Variants in CREB5 observed in about 807,000 individuals in gnomAD.
CREB5 encodes cAMP responsive element binding protein 5, also known as cyclic AMP-responsive element-binding protein 5.
A neutral mutation model predicts 57.1 loss-of-function variants in CREB5; 19 were observed. The observed-to-expected ratio is 0.33, with a 90% CI of 0.23 to 0.49. The LOEUF is 0.49. Among genes scored for constraint, CREB5 ranks in the 20% least tolerant of loss-of-function variants. The probability of loss-of-function intolerance (pLI) is 0.99; values close to 1 mark genes in which losing one functional copy is unlikely to be tolerated. For missense variants in CREB5, 579 were observed against 671.6 expected, an observed-to-expected ratio of 0.86 and a Z score of 1.52; for synonymous variants, 238 against 238.3, an observed-to-expected ratio of 1.00 and a Z score of 0.01.
At chr7:28,337,937 G>A (rs1785858745) in intron 1 of CREB5, among the ~76,000 whole-genome samples, 1 of 151,982 alleles carries the variant, frequency 6.6e-6, no homozygotes, top group South Asian at 2.1e-4. Flanking sequence ...ACTTTAAACT[G>A]ATGACAACTT....
At chr7:28,384,361 T>C (rs2127996538) in intron 1 of CREB5, among the ~76,000 whole-genome samples, 1 of 152,326 alleles carries the variant, frequency 6.6e-6, no homozygotes, top group African/African-American at 2.4e-5. Flanking sequence ...GTCTTTTGAA[T>C]AGTGTCTGTA....
chr7:28,338,399 A>C (rs1785869511), intron 1 of CREB5, among the ~76,000 whole-genome samples: 1 of 152,174 alleles, frequency 6.6e-6, no homozygotes, highest in African/African-American at 2.4e-5. Context: ...ATACTATCCC[A>C]GGGAAAAAGT....
intron 1 of CREB5, among the ~76,000 whole-genome samples, chr7:28,376,372 G>A (rs1043520429): frequency 1.3e-5 from 2 of 150,886 alleles, no homozygotes; most frequent in African/African-American, 2.4e-5. Flanking sequence ...GGGTTCAAGC[G>A]ATTCTCCTGC....
At chr7:28,687,735 C>G (rs1376543348) in intron 5 of CREB5, among the ~76,000 whole-genome samples, 1 of 151,932 alleles carries the variant, frequency 6.6e-6, no homozygotes, top group East Asian at 1.9e-4. Context: ...TTCATTATGA[C>G]TTTATGGATC....
intron 1 of CREB5, among the ~76,000 whole-genome samples, chr7:28,365,727 A>G (rs1019550686): frequency 1.3e-5 from 2 of 152,212 alleles, no homozygotes; most frequent in Admixed American, 6.5e-5. Flanking sequence ...TCTGTTGCCA[A>G]TCCAAATGCA....
At chr7:28,680,000 C>T (rs764391218) in intron 5 of CREB5, among the ~76,000 whole-genome samples, 3 of 150,688 alleles carry the variant, frequency 2.0e-5, no homozygotes, top group East Asian at 1.9e-4. Flanking sequence ...CCTACCCATG[C>T]TCATGAGTAC....
chr7:28,734,369 G>A (rs1471952542), intron 7 of CREB5, among the ~76,000 whole-genome samples: 3 of 151,918 alleles, frequency 2.0e-5, no homozygotes, highest in African/African-American at 7.3e-5. Flanking sequence ...TTTTTTCTCT[G>A]TTCATATAAG....
At chr7:28,523,040 A>C (rs887232435) in intron 4 of CREB5, among the ~76,000 whole-genome samples, 1 of 152,136 alleles carries the variant, frequency 6.6e-6, no homozygotes, top group Non-Finnish European at 1.5e-5. Context: ...TAAAATGAAC[A>C]TTTGGTGAGT....
At chr7:28,526,825 C>T (rs577397192) in intron 4 of CREB5, among the ~76,000 whole-genome samples, 22 of 152,244 alleles carry the variant, frequency 1.4e-4, no homozygotes, top group Non-Finnish European at 2.2e-4. Context: ...GGAGCACAGG[C>T]ACTGAATGGT....
At chr7:28,774,727 C>T (rs1311428410) in intron 7 of CREB5, among the ~76,000 whole-genome samples, 3 of 152,196 alleles carry the variant, frequency 2.0e-5, no homozygotes, top group Admixed American at 6.5e-5. Flanking sequence ...GAATGTTACT[C>T]AAGTGACACT....
chr7:28,560,341 G>T (rs1482653556), intron 4 of CREB5, among the ~76,000 whole-genome samples: 1 of 152,196 alleles, frequency 6.6e-6, no homozygotes, highest in African/African-American at 2.4e-5. Context: ...TTGCACAGGG[G>T]ATAGTGGTAG....
chr7:28,377,458 C>T (rs1000853022), intron 1 of CREB5, among the ~76,000 whole-genome samples: 18 of 151,502 alleles, frequency 1.2e-4, no homozygotes, highest in East Asian at 3.9e-4. Flanking sequence ...TTTTAAATTG[C>T]GCATGTGGCT....
Position 28,339,867 on chromosome 7 carries a change from T to C in CREB5, c.-25+40426T>C, listed in dbSNP as rs111705894. 6.3e-3 allele frequency among the ~76,000 whole-genome samples: 966 copies of C among 152,304 alleles called. 5 individuals are homozygous for C. Among genetic ancestry groups the C allele is most frequent in the African/African-American group, 0.022 (911 of 41,568 alleles). On this transcript the variant is annotated intron_variant, in intron 1 of 9. Transcript: ENST00000396299. ...AACCACAAGACAAAGTCCTTCCCAC[T>C]CTTCCTTCCCCTTTCCTCAGGAAAA...
chr7:28,707,231 C>A (rs757948118), intron 5 of CREB5, among the ~76,000 whole-genome samples: 197 of 152,182 alleles, frequency 1.3e-3, no homozygotes, highest in Non-Finnish European at 1.8e-3. Context: ...TTTAAAATGA[C>A]AGTTGTATTA....
intron 1 of CREB5, among the ~76,000 whole-genome samples, chr7:28,466,486 A>G (rs1281680022): frequency 2.6e-5 from 4 of 152,150 alleles, no homozygotes; most frequent in African/African-American, 9.7e-5. Context: ...TAAATTGGGG[A>G]TAATAAAATA....
intron 5 of CREB5, among the ~76,000 whole-genome samples, chr7:28,674,111 AT>A (rs35604769): frequency 0.073 from 10,978 of 150,410 alleles, 689 homozygotes; most frequent in African/African-American, 0.16. Flanking sequence ...ACTCACGCAG[AT>A]TTTTTTTTTA....
At chr7:28,586,814 C>A (rs886843418) in intron 5 of CREB5, among the ~76,000 whole-genome samples, 7 of 152,246 alleles carry the variant, frequency 4.6e-5, no homozygotes, top group African/African-American at 1.7e-4. Context: ...AAGAATGGGA[C>A]GTCCCAGCGT....
chr7:28,533,593 A>G (rs1312093478), intron 4 of CREB5, among the ~76,000 whole-genome samples: 4 of 152,342 alleles, frequency 2.6e-5, no homozygotes, highest in Middle Eastern at 3.4e-3. Context: ...TAAGTTCCCC[A>G]CTTATAATTT....
chr7:28,737,554 TATATA>T (rs1804073598), intron 7 of CREB5, among the ~76,000 whole-genome samples: 4 of 36,610 alleles, frequency 1.1e-4, no homozygotes, highest in African/African-American at 3.7e-4. Flanking sequence ...TATATATATA[TATATA>T]TATATATATA....
Sources: allele counts gnomAD v4.1 joint callset (sites outside exome capture counted in the v4.1 genomes callset), GRCh38; gene constraint gnomAD v4.1.1; transcripts MANE v1.5; gene names NCBI Gene and HGNC (gene_info 2026-07-23, HGNC 2026-07-21).